ADAM17: variants seen among roughly 807,000 people sequenced by gnomAD.
The protein encoded by ADAM17 is ADAM metallopeptidase domain 17.
In ADAM17, 39 loss-of-function variants were observed where a neutral mutation model predicts 96.7. That is an observed-to-expected ratio of 0.40 (90% CI 0.31 to 0.53). The LOEUF is 0.53. ADAM17 is among the 20% of genes least tolerant of loss of function. The pLI is 0.44. For missense variants in ADAM17, 777 were observed against 1,013.2 expected, an observed-to-expected ratio of 0.77 and a Z score of 3.17; for synonymous variants, 344 against 359.2, an observed-to-expected ratio of 0.96 and a Z score of 0.48.
intron 8 of ADAM17, among the ~76,000 whole-genome samples, chr2:9,520,651 C>T (rs1664268247): frequency 6.6e-6 from 1 of 152,080 alleles, no homozygotes; most frequent in Admixed American, 6.6e-5. Flanking sequence ...ATTAGATCCT[C>T]AAAGATATTA....
At chr2:9,511,568 C>A (rs1221259928) in intron 10 of ADAM17, among the ~76,000 whole-genome samples, 2 of 152,198 alleles carry the variant, frequency 1.3e-5, no homozygotes, top group Non-Finnish European at 2.9e-5. Context: ...TATTAGAATC[C>A]AGTTGCAGGG....
At chr2:9,521,080 CT>C in intron 8 of ADAM17, 122 bp downstream of exon 8, 1 of 665,730 alleles carries the variant, frequency 1.5e-6, no homozygotes. Flanking sequence ...GCTGGATCAG[CT>C]GGAGGAGACT....
intron 1 of ADAM17, 32 bp downstream of exon 1, chr2:9,555,477 G>A: frequency 6.6e-7 from 1 of 1,522,810 alleles, no homozygotes; most frequent in Non-Finnish European, 8.8e-7. Flanking sequence ...CGCTCCAGGC[G>A]CCGGCCTAAG....
rs1461836665 is a variant in ADAM17 at position 9,488,796 on chromosome 2, T to C, written c.*1381A>G. The C allele has an allele frequency of 6.6e-6, 1 of 152,274 alleles. No homozygotes were observed. Among genetic ancestry groups the C allele is most frequent in the Non-Finnish European group, 1.5e-5 (1 of 68,110 alleles). The allele number at this position is 152,274 out of a possible 1,614,324, so 9.4% of individuals were successfully genotyped here. A position where few individuals can be genotyped will look rare whatever the true frequency, so the allele number is the denominator to read the frequency against. The stretch of plus-strand genomic sequence containing the variant: ...ATAACAAGTATCTGAGTAACAAATG[T>C]CCTTGGAAATGGGGGGTAGGAGGAG... On this transcript the variant is annotated 3_prime_UTR_variant, in exon 19 of 19. Transcript: ENST00000310823.
At chr2:9,493,699 A>G in intron 16 of ADAM17, 48 bp downstream of exon 16, 1 of 1,515,356 alleles carries the variant, frequency 6.6e-7, no homozygotes, top group Non-Finnish European at 9.2e-7. Flanking sequence ...TAATGTCATC[A>G]CAGAAATTGA....
chr2:9,544,859 T>C (rs1218388624), intron 1 of ADAM17, among the ~76,000 whole-genome samples: 2 of 152,112 alleles, frequency 1.3e-5, no homozygotes, highest in African/African-American at 2.4e-5. Context: ...AGGGCTATTT[T>C]TTATTCATTA....
At chr2:9,523,891 CAA>C (rs796325823) in intron 6 of ADAM17, among the ~76,000 whole-genome samples, 1 of 144,406 alleles carries the variant, frequency 6.9e-6, no homozygotes, top group African/African-American at 2.6e-5. Context: ...TTTTTTTTTT[CAA>C]GAGACAAGGT....
chr2:9,542,018 C>G, intron 2 of ADAM17, among the ~76,000 whole-genome samples: 1 of 152,214 alleles, frequency 6.6e-6, no homozygotes, highest in East Asian at 1.9e-4. Context: ...CCAGCCTGGA[C>G]GACAGAGCAA....
intron 6 of ADAM17, among the ~76,000 whole-genome samples, chr2:9,524,096 T>C (rs1664423423): frequency 6.6e-6 from 1 of 152,074 alleles, no homozygotes; most frequent in South Asian, 2.1e-4. Flanking sequence ...GCTTACTTGA[T>C]TGTAAGAACA....
At position 9,520,990 on chromosome 2, in the gene ADAM17, A is replaced by C. The variant is rs1031475997; in HGVS notation, c.957+213T>G. ...AAAAAAAAAAAAAAAAAAAAAAGGA[A>C]GCATTGCTTTATAGCGTTTTTCTTT... is the stretch of plus-strand genomic sequence containing the variant. On this transcript the variant is annotated intron_variant, in intron 8 of 18. Transcript: ENST00000310823. Among the ~76,000 whole-genome samples, 4 of 147,404 alleles carry C rather than the reference A, an allele frequency of 2.7e-5. 1 individual carries two copies. Among genetic ancestry groups the C allele is most frequent in the African/African-American group, 1.0e-4 (4 of 40,180 alleles).
chr2:9,490,521 G>A lies in ADAM17; in HGVS notation c.2134-3C>T, dbSNP rs1248206054. 2 of 1,608,642 alleles carry A rather than the reference G, an allele frequency of 1.2e-6. No individual in the cohort carries two copies. Among genetic ancestry groups the A allele is most frequent in the South Asian group, 1.1e-5 (1 of 90,732 alleles). On this transcript the variant is annotated splice_polypyrimidine_tract_variant and splice_region_variant and intron_variant, in intron 18 of 18. Coordinates refer to ENST00000310823, the MANE Select transcript of ADAM17 (RefSeq NM_003183.6). ...ATGCTGCTCAGCATTTCGACGTTCT[G>A]CAAAGACATGGGTTCAATTGATTGA...
At chr2:9,512,302 CTG>C (rs1352913882) in intron 10 of ADAM17, 1 of 151,770 alleles carries the variant, frequency 6.6e-6, no homozygotes, top group African/African-American at 2.4e-5. Context: ...TGTTTTTTTG[CTG>C]TGTTTTTTTA....
At chr2:9,502,102 A>G in intron 13 of ADAM17, 71 bp downstream of exon 13, 1 of 1,358,486 alleles carries the variant, frequency 7.4e-7, no homozygotes, top group Middle Eastern at 1.8e-4. Context: ...TGAACAAAAC[A>G]TAATCTTGTT....
chr2:9,489,259 ATTTTTTTTTTT>A lies in ADAM17; in HGVS notation c.*907_*917del, dbSNP rs34525911. The A allele has an allele frequency of 1.1e-5, 1 of 87,410 alleles. No homozygotes were observed. Among genetic ancestry groups the A allele is most frequent in the Non-Finnish European group, 2.0e-5 (1 of 49,376 alleles). 5.4% of individuals were successfully genotyped at this position (87,410 alleles called of 1,614,324 possible). A position where few individuals can be genotyped will look rare whatever the true frequency, so the allele number is the denominator to read the frequency against. On this transcript the variant is annotated 3_prime_UTR_variant, in exon 19 of 19. Transcript: ENST00000310823. Reference sequence around the variant, plus strand: ...AATATTCTAGGTTTGTAGATAGTGAATTTTTTTTTTTTTTTTTTTTTTTTGAGGCAGAGTCT... The same window carrying A: ...AATATTCTAGGTTTGTAGATAGTGAATTTTTTTTTTTTTGAGGCAGAGTCT...
chr2:9,541,241 C>G (rs936509336), intron 2 of ADAM17, among the ~76,000 whole-genome samples: 1 of 152,176 alleles, frequency 6.6e-6, no homozygotes, highest in African/African-American at 2.4e-5. Context: ...TATACACACA[C>G]AGAGACCTAT....
At chr2:9,536,405 TAAAG>T (rs766403513) in intron 3 of ADAM17, among the ~76,000 whole-genome samples, 1 of 152,176 alleles carries the variant, frequency 6.6e-6, no homozygotes, top group East Asian at 1.9e-4. Flanking sequence ...TAAAATATCA[TAAAG>T]AAAGCTTACA....
intron 5 of ADAM17, among the ~76,000 whole-genome samples, chr2:9,526,840 T>C (rs574993312): frequency 9.2e-5 from 14 of 152,156 alleles, no homozygotes; most frequent in African/African-American, 3.4e-4. Flanking sequence ...AGTAAAACAG[T>C]CACCTAATGC....
intron 15 of ADAM17, 134 bp from the exon 16 acceptor site, chr2:9,493,959 A>T (rs1361727890): frequency 1.5e-6 from 1 of 667,558 alleles, no homozygotes; most frequent in African/African-American, 1.8e-5. Flanking sequence ...GACACAAGGC[A>T]ATAACTTCCG....
At position 9,535,883 on chromosome 2, in the gene ADAM17, T is replaced by C; in HGVS notation, c.401A>G (p.Asp134Gly). 6.2e-7 allele frequency: 1 copy of C among 1,606,582 alleles called. No individual in the cohort carries two copies. The highest frequency in any genetic ancestry group is 8.5e-7 in the Non-Finnish European group (1 of 1,176,290). Residue 134 changes from aspartate (D) to glycine (G), a missense_variant, in exon 4 of 19, where the codon GAT becomes GGT. Physicochemically the swap from Asp to Gly is moderately conservative, Grantham distance 94. Around this residue, in one of 3 missense-constraint regions of ADAM17, gnomAD observed 446 missense variants for 664.7 expected, o/e 0.67. Transcript: ENST00000310823. Reference protein sequence around the residue: ...DSRVLAHIRDDDVIIRINTDG... With the variant: ...DSRVLAHIRDGDVIIRINTDG... ...TGTGTTGATTCTGATTATAACATCA[T>C]CATCTCTTATGTGGGCTAGAACCCT...
Sources: gnomAD v4.1 joint callset for allele counts (sites outside exome capture counted in the v4.1 genomes callset) on GRCh38, gnomAD v4.1.1 for gene constraint, gnomAD v4.1.1 regional missense constraint, MANE v1.5 for transcripts, NCBI Gene and HGNC (gene_info 2026-07-23, HGNC 2026-07-21) for gene names.